The following LIG1 variants were observed in gnomAD, a reference collection of about 807,000 sequenced individuals.
LIG1 encodes the protein ligase I, DNA, ATP-dependent.
In LIG1, 70 loss-of-function variants were observed where a neutral mutation model predicts 115.7. The observed-to-expected ratio is 0.60, with a 90% confidence interval of 0.50 to 0.74. The LOEUF is 0.74. Ranked by LOEUF, LIG1 falls within the 30% of genes least tolerant of loss-of-function variation. The pLI is 0.00. For synonymous variants in LIG1, 487 were observed against 495.3 expected, an observed-to-expected ratio of 0.98 and a Z score of 0.22; for missense variants, 1,115 against 1,225.6, an observed-to-expected ratio of 0.91 and a Z score of 1.35.
At chr19:48,119,283 A>G in intron 24 of LIG1, 93 bp from the exon 25 acceptor site, 1 of 1,011,490 alleles carries the variant, frequency 9.9e-7, no homozygotes, top group Non-Finnish European at 1.5e-6. Context: ...CATGGCCCCC[A>G]CCCCACTCTG....
chr19:48,169,127 G>T (rs565537181), intron 1 of LIG1, among the ~76,000 whole-genome samples: 1 of 152,026 alleles, frequency 6.6e-6, no homozygotes, highest in South Asian at 2.1e-4. Flanking sequence ...AATAATATAT[G>T]ATTCCATTTA....
intron 2 of LIG1, among the ~76,000 whole-genome samples, chr19:48,164,408 C>T (rs528485867): frequency 1.3e-5 from 2 of 152,300 alleles, no homozygotes; most frequent in East Asian, 1.9e-4. Flanking sequence ...GTAACAGCCC[C>T]TCCGTTTTCC....
intron 9 of LIG1, among the ~76,000 whole-genome samples, chr19:48,145,541 G>A (rs957020841): frequency 7.5e-6 from 1 of 133,276 alleles, no homozygotes; most frequent in Non-Finnish European, 1.7e-5. Context: ...CTCTTCAGCT[G>A]ATTCTGATGC....
chr19:48,149,838 G>C lies in LIG1; in HGVS notation c.701C>G (p.Pro234Arg), dbSNP rs769291852. The change falls in exon 9 of 28, where the codon CCC becomes CGC. Residue 234 changes from proline to arginine, a missense_variant. Coordinates refer to ENST00000263274, the MANE Select transcript of LIG1 (RefSeq NM_000234.3). ...TTCTTTTTTGACTGCTGGCTTCCGGGGGGCTAGGAATGAAGACAGAAAACA... is the reference window on the plus strand; with the variant it reads ...TTCTTTTTTGACTGCTGGCTTCCGGCGGGCTAGGAATGAAGACAGAAAACA... Reference protein sequence around the residue: ...APKTLSSFFTPRKPAVKKEVK... With the variant: ...APKTLSSFFTRRKPAVKKEVK... 4 of 1,613,726 alleles carry C rather than the reference G, an allele frequency of 2.5e-6. No individual in the cohort carries two copies. In the South Asian group the frequency reaches 3.3e-5, roughly 13 times the overall value.
chr19:48,119,300 G>A (rs937737886), intron 24 of LIG1, 110 bp from the exon 25 acceptor site: 48 of 868,190 alleles, frequency 5.5e-5, no homozygotes, highest in East Asian at 4.8e-4. Flanking sequence ...TCTGGTCTAC[G>A]CAGTATCCAC....
At chr19:48,138,280 C>T (rs1338079811) in intron 12 of LIG1, among the ~76,000 whole-genome samples, 1 of 152,170 alleles carries the variant, frequency 6.6e-6, no homozygotes, top group Non-Finnish European at 1.5e-5. Context: ...ACCCTTGTCA[C>T]CAGATACTGT....
intron 5 of LIG1, among the ~76,000 whole-genome samples, chr19:48,155,493 A>C (rs3730880): frequency 0.017 from 2,550 of 152,104 alleles, 72 homozygotes; most frequent in African/African-American, 0.058. Context: ...CCATCTTCTA[A>C]GACTCGGCTC....
At chr19:48,165,233 T>TG (rs2036414112) in intron 2 of LIG1, among the ~76,000 whole-genome samples, 1 of 151,708 alleles carries the variant, frequency 6.6e-6, no homozygotes, top group African/African-American at 2.4e-5. Context: ...TACTCCAGCC[T>TG]GGGTGACAGA....
chr19:48,141,277 G>A (rs564867009), intron 11 of LIG1, among the ~76,000 whole-genome samples: 4 of 152,308 alleles, frequency 2.6e-5, no homozygotes, highest in South Asian at 2.1e-4. Context: ...CTACCGGTGC[G>A]CACCACCATG....
Position 48,143,871 on chromosome 19 carries a change from G to C in LIG1, c.857+12C>G, listed in dbSNP as rs1264855935. On this transcript the variant is annotated intron_variant, in intron 10 of 27. Coordinates refer to ENST00000263274, the MANE Select transcript of LIG1 (RefSeq NM_000234.3). ...ACCGGAGGGGGACAGTCTGAAAAGG[G>C]AGAAACCTCACTTCTGGCCCGGTTT... The C allele has an allele frequency of 3.7e-6, 6 of 1,608,230 alleles. No homozygotes were observed. The South Asian group carries it at 4.4e-5, about 12-fold the overall frequency.
intron 7 of LIG1, 92 bp downstream of exon 7, chr19:48,151,140 T>C: frequency 1.3e-6 from 1 of 746,164 alleles, no homozygotes; most frequent in South Asian, 1.6e-5. Flanking sequence ...AGTTTGAGAA[T>C]CTATGCCTTG....
At chr19:48,129,523 C>T (rs2033882339) in intron 19 of LIG1, among the ~76,000 whole-genome samples, 1 of 152,228 alleles carries the variant, frequency 6.6e-6, no homozygotes, top group African/African-American at 2.4e-5. Flanking sequence ...TCCCAGCCTC[C>T]AGCATGGGGC....
intron 9 of LIG1, among the ~76,000 whole-genome samples, chr19:48,148,310 C>T (rs1343405072): frequency 2.0e-5 from 3 of 152,034 alleles, no homozygotes; most frequent in African/African-American, 7.2e-5. Context: ...CCGGTCTCTA[C>T]TAAAAATACA....
At chr19:48,169,297 A>C (rs2036641870) in intron 1 of LIG1, among the ~76,000 whole-genome samples, 1 of 152,164 alleles carries the variant, frequency 6.6e-6, no homozygotes, top group Non-Finnish European at 1.5e-5. Context: ...ACGGGCACAC[A>C]GATGCACAAT....
At chr19:48,130,409 C>A (rs867331989) in intron 19 of LIG1, among the ~76,000 whole-genome samples, 1 of 152,222 alleles carries the variant, frequency 6.6e-6, no homozygotes, top group Non-Finnish European at 1.5e-5. Context: ...AGGCACGAGA[C>A]CCCTACTGGG....
At chr19:48,118,534 C>CTTTTTTTTTTTTTTTT (rs143277427) in intron 25 of LIG1, 1 of 97,350 alleles carries the variant, frequency 1.0e-5, no homozygotes, top group Non-Finnish European at 1.9e-5. Context: ...ATAAATGATC[C>CTTTTTTTTTTTTTTTT]TTTTTTTTTT....
chr19:48,145,162 G>C (rs546164249), intron 9 of LIG1, among the ~76,000 whole-genome samples: 2 of 152,264 alleles, frequency 1.3e-5, no homozygotes, highest in African/African-American at 4.8e-5. Context: ...ACCTCCCAAA[G>C]TCCTGGGATT....
At chr19:48,160,321 C>A (rs917491307) in intron 4 of LIG1, among the ~76,000 whole-genome samples, 3 of 152,066 alleles carry the variant, frequency 2.0e-5, no homozygotes, top group African/African-American at 7.2e-5. Context: ...CTGAGCCAGG[C>A]GTGTATCTGG....
chr19:48,134,987 T>C (rs1190642949), intron 16 of LIG1, among the ~76,000 whole-genome samples: 1 of 152,214 alleles, frequency 6.6e-6, no homozygotes, highest in Non-Finnish European at 1.5e-5. Context: ...TCTGGAGCCC[T>C]CGTGGCCGCT....
Sources: gnomAD v4.1 joint callset for allele counts (sites outside exome capture counted in the v4.1 genomes callset) on GRCh38, gnomAD v4.1.1 for gene constraint, MANE v1.5 for transcripts, NCBI Gene and HGNC (gene_info 2026-07-23, HGNC 2026-07-21) for gene names.